Variants in ARHGDIB observed in about 807,000 individuals in gnomAD.
The protein encoded by ARHGDIB is Rho GDP dissociation inhibitor beta.
A neutral mutation model predicts 22.6 loss-of-function variants in ARHGDIB; 20 were observed. The observed-to-expected ratio is 0.88, with a 90% CI of 0.62 to 1.28. ARHGDIB has a LOEUF of 1.28. Ranked by LOEUF, ARHGDIB falls within the 50% of genes most tolerant of loss-of-function variation. The pLI, the probability that ARHGDIB is intolerant of heterozygous loss-of-function variation, is 0.00. For synonymous variants in ARHGDIB, 114 were observed against 96.1 expected (o/e 1.19, Z -1.09); for missense variants, 254 against 245.4 (o/e 1.04, Z -0.23).
chr12:14,950,795 A>G, intron 1 of ARHGDIB, 71 bp from the exon 2 acceptor site: 1 of 1,321,638 alleles, frequency 7.6e-7, no homozygotes, highest in Non-Finnish European at 1.0e-6. Flanking sequence ...GGCTGCTGTT[A>G]GCAGCCTCCT....
intron 4 of ARHGDIB, among the ~76,000 whole-genome samples, chr12:14,945,144 C>T (rs1357852966): frequency 1.3e-5 from 2 of 152,164 alleles, no homozygotes; most frequent in Admixed American, 6.5e-5. Context: ...TCTCCTTTCT[C>T]AATGGTCCCA....
chr12:14,947,903 A>G lies in ARHGDIB; in HGVS notation c.312T>C (p.Gly104=). 1 of 1,613,322 alleles carries G rather than the reference A, an allele frequency of 6.2e-7. No individual in the cohort carries two copies. The highest frequency in any genetic ancestry group is 8.5e-7 in the Non-Finnish European group (1 of 1,179,264). The stretch of plus-strand genomic sequence containing the variant: ...AGTGAATTTTGACTCTATATTCAGA[A>G]CCTTCCTTTAACACAATGGTTTCCT... ...LKKETIVLKE[G]SEYRVKIHFK... Residue 104 remains glycine, a synonymous_variant, in exon 4 of 6, where the codon GGT becomes GGC. Coordinates refer to ENST00000228945, the MANE Select transcript of ARHGDIB (RefSeq NM_001175.7).
At chr12:14,948,043 C>T (rs368224053) in intron 3 of ARHGDIB, 94 bp from the exon 4 acceptor site, 13 of 944,332 alleles carry the variant, frequency 1.4e-5, no homozygotes, top group Middle Eastern at 2.1e-4. Context: ...GTTGGGCCCA[C>T]GAGGGCAACA....
intron 1 of ARHGDIB, 97 bp downstream of exon 1, chr12:14,961,440 A>G (rs1266499570): frequency 6.6e-6 from 1 of 152,192 alleles, no homozygotes; most frequent in East Asian, 1.9e-4. Context: ...CCTCTAAAAA[A>G]ATAATAAACT....
At position 14,950,552 on chromosome 12, in the gene ARHGDIB, C is replaced by A; in HGVS notation, c.161G>T (p.Gly54Val). 6.2e-7 allele frequency: 1 copy of A among 1,613,610 alleles called. No homozygotes were observed. Among genetic ancestry groups the A allele is most frequent in the Non-Finnish European group, 8.5e-7 (1 of 1,179,668 alleles). Reference sequence around the variant, plus strand: ...CATACCTGTCACCACAGGACCATCTCCCAGCAGCGTTTTCTTGTACTTAAT... The same window carrying A: ...CATACCTGTCACCACAGGACCATCTACCAGCAGCGTTTTCTTGTACTTAAT... ...SLIKYKKTLLGDGPVVTDPKA... is the reference protein window; with the variant it reads ...SLIKYKKTLLVDGPVVTDPKA... The change falls in exon 2 of 6, where the codon GGA (glycine) becomes GTA (valine). Residue 54 changes from glycine (G) to valine (V), a missense_variant. By Grantham distance (109) the Gly-to-Val change is moderately radical. Transcript: ENST00000228945.
Position 14,947,951 on chromosome 12 carries a change from T to C in ARHGDIB, c.266-2A>G, listed in dbSNP as rs762471883. The C allele has an allele frequency of 6.2e-7, 1 of 1,607,952 alleles. No individual in the cohort carries two copies. Among genetic ancestry groups the C allele is most frequent in the African/African-American group, 1.3e-5 (1 of 74,812 alleles). The stretch of plus-strand genomic sequence containing the variant: ...CCTTTTTGAGGGCTTCCAGATCTCC[T>C]GTAGAAGAAGATTTAGAGAGAGTTT... On this transcript the variant is annotated splice_acceptor_variant, in intron 3 of 5. Coordinates refer to ENST00000228945, the MANE Select transcript of ARHGDIB (RefSeq NM_001175.7). LOFTEE classifies it high-confidence loss of function.
chr12:14,944,402 T>C lies in ARHGDIB; in HGVS notation c.406+374A>G, dbSNP rs141078780. On this transcript the variant is annotated intron_variant, in intron 5 of 5. Coordinates refer to ENST00000228945, the MANE Select transcript of ARHGDIB (RefSeq NM_001175.7). Reference sequence around the variant, plus strand: ...CATGGCACTGGGCAAGTTTTTTCTTTCTTGGTTTTCTCTGACACTTGGGTT... The same window carrying C: ...CATGGCACTGGGCAAGTTTTTTCTTCCTTGGTTTTCTCTGACACTTGGGTT... Among the ~76,000 whole-genome samples, 1,212 of 152,214 alleles carry C rather than the reference T, an allele frequency of 8.0e-3. 22 individuals carry two copies. Among genetic ancestry groups the C allele is most frequent in the African/African-American group, 0.028 (1,159 of 41,514 alleles).
intron 1 of ARHGDIB, among the ~76,000 whole-genome samples, chr12:14,956,642 C>T (rs1202985146): frequency 6.6e-6 from 1 of 152,090 alleles, no homozygotes; most frequent in Admixed American, 6.5e-5. Flanking sequence ...TAATGTGGAC[C>T]CCATTTATTA....
intron 1 of ARHGDIB, among the ~76,000 whole-genome samples, chr12:14,958,513 A>C (rs1387713402): frequency 6.6e-6 from 1 of 152,200 alleles, no homozygotes; most frequent in Non-Finnish European, 1.5e-5. Context: ...ATTCATATGC[A>C]CAAAGAGAGA....
chr12:14,942,686 G>T lies in ARHGDIB; in HGVS notation c.442C>A (p.Pro148Thr). 5.0e-6 allele frequency: 8 copies of T among 1,614,140 alleles called. No individual in the cohort carries two copies. The highest frequency in any genetic ancestry group is 6.8e-6 in the Non-Finnish European group (8 of 1,180,014). ...KATFMVGSYG[P>T]RPEEYEFLTP... ...AGGAACTCATACTCCTCAGGCCGAG[G>T]TCCATAGCTGCCAACCATAAATGTT... Residue 148 changes from proline to threonine, a missense_variant, in exon 6 of 6, where the codon CCT becomes ACT. Coordinates refer to ENST00000228945, the MANE Select transcript of ARHGDIB (RefSeq NM_001175.7).
Position 14,942,304 on chromosome 12 carries a change from G to T in ARHGDIB, c.*218C>A, listed in dbSNP as rs1048537181. 3 of 573,702 alleles carry T rather than the reference G, an allele frequency of 5.2e-6. No individual in the cohort carries two copies. In the African/African-American group the frequency reaches 5.6e-5, roughly 11 times the overall value. The allele number at this position is 573,702 out of a possible 1,614,324, so 35.5% of individuals were successfully genotyped here. The stretch of plus-strand genomic sequence containing the variant: ...ATGGAGACGTGGAAGATCTGGCCCT[G>T]ATGGAGGATCAGAGGGAGCAGGTTG... On this transcript the variant is annotated 3_prime_UTR_variant, in exon 6 of 6. Coordinates refer to ENST00000228945, the MANE Select transcript of ARHGDIB (RefSeq NM_001175.7).
intron 4 of ARHGDIB, among the ~76,000 whole-genome samples, chr12:14,946,720 G>C (rs1472821560): frequency 1.3e-5 from 2 of 152,118 alleles, no homozygotes; most frequent in Non-Finnish European, 2.9e-5. Flanking sequence ...GCTTTCCTTT[G>C]CATCTTAGTC....
At position 14,942,671 on chromosome 12, in the gene ARHGDIB, A is replaced by T; in HGVS notation, c.457T>A (p.Tyr153Asn). The stretch of plus-strand genomic sequence containing the variant: ...TCCTCAACTGGAGTGAGGAACTCAT[A>T]CTCCTCAGGCCGAGGTCCATAGCTG... Reference protein sequence around the residue: ...VGSYGPRPEEYEFLTPVEEAP... With the variant: ...VGSYGPRPEENEFLTPVEEAP... The change falls in exon 6 of 6, where the codon TAT becomes AAT. Residue 153 changes from tyrosine to asparagine, a missense_variant. By Grantham distance (143) the Tyr-to-Asn change is moderately radical. Coordinates refer to ENST00000228945, the MANE Select transcript of ARHGDIB (RefSeq NM_001175.7). 1 of 1,613,906 alleles carries T rather than the reference A, an allele frequency of 6.2e-7. No individual in the cohort carries two copies. The highest frequency in any genetic ancestry group is 1.3e-5 in the African/African-American group (1 of 74,954).
At chr12:14,958,844 G>C (rs1327575204) in intron 1 of ARHGDIB, among the ~76,000 whole-genome samples, 1 of 152,202 alleles carries the variant, frequency 6.6e-6, no homozygotes, top group Non-Finnish European at 1.5e-5. Flanking sequence ...GGATGATTCA[G>C]GATGTGCTTA....
chr12:14,950,501 TCCACCCAC>T (rs764395719), intron 2 of ARHGDIB, 23 bp downstream of exon 2: 2 of 1,568,656 alleles, frequency 1.3e-6, no homozygotes, highest in Admixed American at 3.8e-5. Flanking sequence ...TCAGCGATCT[TCCACCCAC>T]CCTGTTCTCT....
At chr12:14,952,113 C>T (rs1384067510) in intron 1 of ARHGDIB, among the ~76,000 whole-genome samples, 2 of 152,170 alleles carry the variant, frequency 1.3e-5, no homozygotes, top group Non-Finnish European at 2.9e-5. Flanking sequence ...ATGTCTGTCA[C>T]ATCACATCCT....
chr12:14,952,754 C>T (rs567975523), intron 1 of ARHGDIB, among the ~76,000 whole-genome samples: 81 of 152,286 alleles, frequency 5.3e-4, no homozygotes, highest in Non-Finnish European at 5.6e-4. Flanking sequence ...ACCTGCTGAC[C>T]GAGCATCGGA....
intron 4 of ARHGDIB, 133 bp downstream of exon 4, chr12:14,947,740 A>T (rs1172455293): frequency 6.7e-6 from 5 of 746,986 alleles, no homozygotes; most frequent in Middle Eastern, 3.9e-4. Flanking sequence ...GGAAGAGGAC[A>T]TTCCAGACCC....
At chr12:14,955,537 C>T (rs1294732199) in intron 1 of ARHGDIB, among the ~76,000 whole-genome samples, 1 of 152,086 alleles carries the variant, frequency 6.6e-6, no homozygotes, top group Non-Finnish European at 1.5e-5. Flanking sequence ...ATTAACATAT[C>T]CATCATCTCA....
Sources: allele counts gnomAD v4.1 joint callset (sites outside exome capture counted in the v4.1 genomes callset), GRCh38; gene constraint gnomAD v4.1.1; transcripts MANE v1.5; gene names NCBI Gene and HGNC (gene_info 2026-07-23, HGNC 2026-07-21).